The following THSD7B variants were observed in gnomAD, a reference collection of about 807,000 sequenced individuals.
THSD7B encodes the protein thrombospondin type 1 domain containing 7B.
THSD7B carries 138 observed loss-of-function variants against 213.6 expected under a neutral mutation model. That is an observed-to-expected ratio of 0.65 (90% CI 0.56 to 0.74). THSD7B has a LOEUF of 0.74. Among genes scored for constraint, THSD7B ranks in the 30% least tolerant of loss-of-function variants. The pLI is 0.00. For synonymous variants in THSD7B, 742 were observed against 687.0 expected, an observed-to-expected ratio of 1.08 and a Z score of -1.25; for missense variants, 1,931 against 1,991.5, an observed-to-expected ratio of 0.97 and a Z score of 0.58.
At chr2:137,375,520 T>C (rs2104956292) in intron 12 of THSD7B, among the ~76,000 whole-genome samples, 2 of 152,286 alleles carry the variant, frequency 1.3e-5, no homozygotes, top group African/African-American at 4.8e-5. Context: ...ATCTACATAT[T>C]ATATGAAATG....
chr2:136,832,175 T>TTGTGTGTGTGTGTGTG (rs376949671), intron 1 of THSD7B, among the ~76,000 whole-genome samples: 3 of 72,912 alleles, frequency 4.1e-5, no homozygotes, highest in Admixed American at 1.5e-4. Flanking sequence ...ATACATCCTA[T>TTGTGTGTGTGTGTGTG]TGTGTGTGTG....
chr2:137,448,427 G>A lies in THSD7B; in HGVS notation c.2960-2418G>A, dbSNP rs6707028. On this transcript the variant is annotated intron_variant, in intron 14 of 27. Coordinates refer to ENST00000409968, the MANE Select transcript of THSD7B (RefSeq NM_001316349.2). ...TGGAGAAGATGGAGTAGTCTGTGTA[G>A]ACAGAATTTAAGATAGAAGAGACGG... Among the ~76,000 whole-genome samples the A allele has an allele frequency of 6.7e-3, 1,024 of 152,270 alleles. 11 individuals are homozygous for A. The highest frequency in any genetic ancestry group is 0.024 in the African/African-American group (983 of 41,558).
chr2:137,499,983 A>G (rs1679663012), intron 15 of THSD7B, among the ~76,000 whole-genome samples: 1 of 152,206 alleles, frequency 6.6e-6, no homozygotes, highest in African/African-American at 2.4e-5. Context: ...TGCAGATTAG[A>G]AGAAATATAC....
At chr2:137,408,147 G>C (rs1164716999) in intron 13 of THSD7B, among the ~76,000 whole-genome samples, 1 of 151,966 alleles carries the variant, frequency 6.6e-6, no homozygotes, top group Admixed American at 6.6e-5. Flanking sequence ...GCATTAACTT[G>C]CTTAAATCCT....
chr2:137,004,993 ACTTTT>A (rs1686076624), intron 2 of THSD7B, among the ~76,000 whole-genome samples: 1 of 152,178 alleles, frequency 6.6e-6, no homozygotes, highest in Non-Finnish European at 1.5e-5. Context: ...GCATTTTGTA[ACTTTT>A]CTTACATTGT....
In THSD7B at chr2:137,303,719, TATATATATTTA is replaced by T. The variant is rs1558749669; in HGVS notation, c.2500+27694_2500+27704del. Among the ~76,000 whole-genome samples the T allele has an allele frequency of 5.2e-3, 674 of 130,720 alleles. 45 individuals are homozygous for T. The highest frequency in any genetic ancestry group is 0.019 in the African/African-American group (588 of 30,420). 85.8% of individuals were successfully genotyped at this position (130,720 alleles called of 152,430 possible). A position where few individuals can be genotyped will look rare whatever the true frequency, so the allele number is the denominator to read the frequency against. ...TTATATATATTTATATATATATTTATATATATATTTATATATATATTTATATATATATACAG... is the reference window on the plus strand; with the variant it reads ...TTATATATATTTATATATATATTTATTATATATATTTATATATATATACAG... On this transcript the variant is annotated intron_variant, in intron 12 of 27. Transcript: ENST00000409968.
Position 137,094,860 on chromosome 2 carries a change from C to G in THSD7B, c.951-13C>G. ...ATATATGGCCTCCTATTTTCTACTTCTGTTTTTTTCAGCCTTTGCCTTCAA... is the reference window on the plus strand; with the variant it reads ...ATATATGGCCTCCTATTTTCTACTTGTGTTTTTTTCAGCCTTTGCCTTCAA... On this transcript the variant is annotated splice_polypyrimidine_tract_variant and intron_variant, in intron 3 of 27. Coordinates refer to ENST00000409968, the MANE Select transcript of THSD7B (RefSeq NM_001316349.2). 1 of 1,606,978 alleles carries G rather than the reference C, an allele frequency of 6.2e-7. No individual in the cohort carries two copies. Among genetic ancestry groups the G allele is most frequent in the Non-Finnish European group, 8.5e-7 (1 of 1,174,870 alleles).
At chr2:137,628,552 G>A (rs1682678637) in intron 20 of THSD7B, among the ~76,000 whole-genome samples, 1 of 151,964 alleles carries the variant, frequency 6.6e-6, no homozygotes, top group Non-Finnish European at 1.5e-5. Context: ...ACAAATGAGA[G>A]GTGTTATTTG....
intron 12 of THSD7B, among the ~76,000 whole-genome samples, chr2:137,340,818 T>C (rs1408044165): frequency 6.6e-6 from 1 of 151,764 alleles, no homozygotes; most frequent in East Asian, 1.9e-4. Flanking sequence ...TCTGTATCCA[T>C]TCATCTTCTG....
At chr2:136,789,392 T>C (rs1681922881) in intron 1 of THSD7B, among the ~76,000 whole-genome samples, 1 of 152,094 alleles carries the variant, frequency 6.6e-6, no homozygotes, top group Admixed American at 6.6e-5. Flanking sequence ...GTACCTCTGA[T>C]AATATGATAC....
chr2:137,351,362 T>C (rs771213244), intron 12 of THSD7B, among the ~76,000 whole-genome samples: 1 of 151,958 alleles, frequency 6.6e-6, no homozygotes, highest in Admixed American at 6.6e-5. Context: ...TCCTATATGT[T>C]CAGCAGGACA....
intron 10 of THSD7B, among the ~76,000 whole-genome samples, chr2:137,258,665 C>CT (rs923070387): frequency 1.3e-3 from 184 of 145,896 alleles, no homozygotes; most frequent in East Asian, 1.4e-3. Flanking sequence ...ATACCATGCT[C>CT]TTTTTTTTTT....
intron 25 of THSD7B, 35 bp downstream of exon 25, chr2:137,659,781 T>G: frequency 1.3e-6 from 2 of 1,558,670 alleles, no homozygotes; most frequent in African/African-American, 2.7e-5. Flanking sequence ...ATAAGTGCAT[T>G]AATTGCTGTG....
intron 12 of THSD7B, among the ~76,000 whole-genome samples, chr2:137,389,607 TTCA>T (rs1306666212): frequency 1.3e-5 from 2 of 151,770 alleles, no homozygotes; most frequent in Non-Finnish European, 2.9e-5. Flanking sequence ...ATTTTTCTTG[TTCA>T]TGTTTTTGAG....
At chr2:136,966,122 C>T (rs1055286485) in intron 2 of THSD7B, among the ~76,000 whole-genome samples, 1 of 152,178 alleles carries the variant, frequency 6.6e-6, no homozygotes, top group African/African-American at 2.4e-5. Flanking sequence ...CCTTCTTTCT[C>T]ACAGTGGTCT....
intron 12 of THSD7B, among the ~76,000 whole-genome samples, chr2:137,361,267 A>T (rs1685249899): frequency 6.6e-6 from 1 of 152,204 alleles, no homozygotes; most frequent in South Asian, 2.1e-4. Context: ...AACCACAAAG[A>T]TGGCGAGGAA....
chr2:137,012,088 A>G (rs570130457), intron 2 of THSD7B, among the ~76,000 whole-genome samples: 66 of 152,330 alleles, frequency 4.3e-4, no homozygotes, highest in Middle Eastern at 3.4e-3. Flanking sequence ...AGGCAAAGTG[A>G]TAAATAACAC....
At chr2:137,342,688 A>G (rs556122982) in intron 12 of THSD7B, among the ~76,000 whole-genome samples, 1 of 141,212 alleles carries the variant, frequency 7.1e-6, no homozygotes, top group South Asian at 2.4e-4. Context: ...CATTCCTTCT[A>G]TACCTAATTT....
chr2:137,612,145 A>G (rs1394899633), intron 17 of THSD7B, among the ~76,000 whole-genome samples: 3 of 152,192 alleles, frequency 2.0e-5, no homozygotes, highest in Admixed American at 2.0e-4. Flanking sequence ...AAAATTTGAA[A>G]CTCTTCAAGA....
Sources: allele counts gnomAD v4.1 joint callset (sites outside exome capture counted in the v4.1 genomes callset), GRCh38; gene constraint gnomAD v4.1.1; transcripts MANE v1.5; gene names NCBI Gene and HGNC (gene_info 2026-07-23, HGNC 2026-07-21).